Variants in LRBA observed in about 807,000 individuals in gnomAD.
LRBA encodes the protein LPS responsive beige-like anchor protein.
Under a neutral mutation model 330.0 loss-of-function variants are expected in LRBA, and 176 were observed. That is an observed-to-expected ratio of 0.53 (90% CI 0.47 to 0.60). The LOEUF is 0.60. Among genes scored for constraint, LRBA ranks in the 20% least tolerant of loss-of-function variants. The pLI is 0.00. For synonymous variants in LRBA, 1,230 were observed against 1,193.0 expected (o/e 1.03, Z -0.64); for missense variants, 3,259 against 3,444.8 (o/e 0.95, Z 1.35).
intron 53 of LRBA, among the ~76,000 whole-genome samples, chr4:150,300,126 C>A (rs1480867862): frequency 6.6e-6 from 1 of 151,960 alleles, no homozygotes; most frequent in Non-Finnish European, 1.5e-5. Context: ...ATTGCATTTT[C>A]CATTTTTCTA....
chr4:150,632,021 G>A (rs544233613), intron 37 of LRBA, among the ~76,000 whole-genome samples: 7 of 152,180 alleles, frequency 4.6e-5, no homozygotes, highest in Non-Finnish European at 7.4e-5. Context: ...ATTTGAGGTC[G>A]GGAGTGTGAA....
intron 15 of LRBA, among the ~76,000 whole-genome samples, chr4:150,897,428 C>A (rs778419301): frequency 5.3e-5 from 8 of 151,920 alleles, no homozygotes; most frequent in Non-Finnish European, 8.8e-5. Context: ...AAAAATGAAA[C>A]CTCCTTCAGG....
chr4:150,391,160 T>A (rs2151908486), intron 47 of LRBA, among the ~76,000 whole-genome samples: 1 of 152,284 alleles, frequency 6.6e-6, no homozygotes, highest in South Asian at 2.1e-4. Context: ...CTGTTGCCTC[T>A]TTCCAAAGGG....
chr4:150,540,697 A>G (rs1765225757), intron 40 of LRBA, among the ~76,000 whole-genome samples: 1 of 152,178 alleles, frequency 6.6e-6, no homozygotes, highest in East Asian at 1.9e-4. Context: ...TTACTATTAC[A>G]CAACTCAGTG....
At chr4:150,308,400 T>C (rs1226391419) in intron 52 of LRBA, among the ~76,000 whole-genome samples, 1 of 152,240 alleles carries the variant, frequency 6.6e-6, no homozygotes, top group East Asian at 1.9e-4. Context: ...GCCAGATGTA[T>C]AAAGATACAG....
chr4:150,457,028 T>C (rs1353148551), intron 44 of LRBA, among the ~76,000 whole-genome samples: 2 of 152,080 alleles, frequency 1.3e-5, no homozygotes, highest in Non-Finnish European at 2.9e-5. Context: ...AATAAGTTAA[T>C]GCAGTTCAAC....
chr4:150,512,827 C>G (rs887037519), intron 40 of LRBA, among the ~76,000 whole-genome samples: 2 of 149,636 alleles, frequency 1.3e-5, no homozygotes, highest in African/African-American at 5.0e-5. Context: ...AAAAAGGGAA[C>G]AGGTAATAAA....
At chr4:150,373,355 C>T (rs1425471535) in intron 47 of LRBA, among the ~76,000 whole-genome samples, 1 of 152,020 alleles carries the variant, frequency 6.6e-6, no homozygotes, top group African/African-American at 2.4e-5. Flanking sequence ...ACTCCTGGTC[C>T]ATATTTTTCT....
chr4:150,618,228 C>T (rs914715176), intron 37 of LRBA, among the ~76,000 whole-genome samples: 5 of 152,152 alleles, frequency 3.3e-5, no homozygotes, highest in Non-Finnish European at 4.4e-5. Flanking sequence ...CATTATTCTG[C>T]TTCATTCATT....
At chr4:150,753,218 T>C (rs1733795788) in intron 35 of LRBA, among the ~76,000 whole-genome samples, 1 of 152,154 alleles carries the variant, frequency 6.6e-6, no homozygotes, top group Non-Finnish European at 1.5e-5. Flanking sequence ...CTCCTGAACA[T>C]ACTATCAACT....
intron 34 of LRBA, among the ~76,000 whole-genome samples, chr4:150,785,825 A>G (rs1738973738): frequency 6.6e-6 from 1 of 152,226 alleles, no homozygotes; most frequent in Non-Finnish European, 1.5e-5. Context: ...AAAAAGCACT[A>G]AAGTTGACAA....
chr4:150,362,026 C>A (rs1738777002), intron 47 of LRBA, among the ~76,000 whole-genome samples: 1 of 152,154 alleles, frequency 6.6e-6, no homozygotes, highest in African/African-American at 2.4e-5. Context: ...CCCGCCTCGG[C>A]CTCCCAAAGT....
chr4:150,317,905 C>T (rs964688221), intron 50 of LRBA, among the ~76,000 whole-genome samples: 12 of 152,168 alleles, frequency 7.9e-5, no homozygotes, highest in African/African-American at 2.2e-4. Context: ...TAAAAAAACG[C>T]GATTTCATAT....
intron 34 of LRBA, among the ~76,000 whole-genome samples, chr4:150,779,162 T>A (rs1240356620): frequency 6.6e-6 from 1 of 152,138 alleles, no homozygotes; most frequent in African/African-American, 2.4e-5. Flanking sequence ...AATTATCTCA[T>A]ACTTCTAAAT....
chr4:150,806,036 T>G (rs1578843306), intron 33 of LRBA, among the ~76,000 whole-genome samples: 1 of 149,358 alleles, frequency 6.7e-6, no homozygotes. Context: ...AAAAAAAAAG[T>G]CTTAGTTCTT....
At chr4:150,622,253 T>C (rs1001363544) in intron 37 of LRBA, among the ~76,000 whole-genome samples, 6 of 152,108 alleles carry the variant, frequency 3.9e-5, no homozygotes, top group Non-Finnish European at 8.8e-5. Flanking sequence ...GCAGAAATTA[T>C]GAGGAATTTC....
intron 37 of LRBA, among the ~76,000 whole-genome samples, chr4:150,645,145 A>C (rs1323952900): frequency 6.6e-6 from 1 of 151,444 alleles, no homozygotes; most frequent in Non-Finnish European, 1.5e-5. Flanking sequence ...TCAAGAAAAA[A>C]AAAAATCTTA....
chr4:150,657,283 TTTATAA>T (rs1780292057), intron 37 of LRBA, among the ~76,000 whole-genome samples: 1 of 152,182 alleles, frequency 6.6e-6, no homozygotes. Flanking sequence ...ATAATTTTTC[TTTATAA>T]TTAATAATTA....
intron 37 of LRBA, among the ~76,000 whole-genome samples, chr4:150,646,513 T>A (rs1779152858): frequency 6.6e-6 from 1 of 151,988 alleles, no homozygotes. Flanking sequence ...ATGAATGAGA[T>A]CACAAGGGAT....
Sources: allele counts gnomAD v4.1 joint callset (sites outside exome capture counted in the v4.1 genomes callset), GRCh38; gene constraint gnomAD v4.1.1; transcripts MANE v1.5; gene names NCBI Gene and HGNC (gene_info 2026-07-23, HGNC 2026-07-21).